Variants in SGCZ observed in about 807,000 individuals in gnomAD.
SGCZ encodes zeta-sarcoglycan.
A neutral mutation model predicts 41.3 loss-of-function variants in SGCZ; 40 were observed. That is an observed-to-expected ratio of 0.97 (90% confidence interval 0.75 to 1.26). The LOEUF (loss-of-function observed/expected upper bound fraction) is 1.26, where lower values mean the gene tolerates loss of function less well. Among genes scored for constraint, SGCZ ranks in the 50% most tolerant of loss-of-function variants. The probability of loss-of-function intolerance (pLI) is 0.00; values close to 1 mark genes in which losing one functional copy is unlikely to be tolerated. For missense variants in SGCZ, 552 were observed against 369.8 expected, an observed-to-expected ratio of 1.49 and a Z score of -4.04; for synonymous variants, 206 against 137.5, an observed-to-expected ratio of 1.50 and a Z score of -3.49.
intron 4 of SGCZ, among the ~76,000 whole-genome samples, chr8:14,235,549 T>C (rs772420874): frequency 7.2e-5 from 11 of 152,212 alleles, no homozygotes; most frequent in Non-Finnish European, 1.3e-4. Context: ...AAATTCTTTA[T>C]TTCCTGCAGG....
intron 4 of SGCZ, among the ~76,000 whole-genome samples, chr8:14,229,522 T>G (rs531661555): frequency 1.4e-4 from 22 of 152,098 alleles, no homozygotes; most frequent in Non-Finnish European, 3.1e-4. Flanking sequence ...ATTTAATCAT[T>G]TGAAATGTAT....
At chr8:15,083,592 A>G (rs1805836725) in intron 1 of SGCZ, among the ~76,000 whole-genome samples, 1 of 152,148 alleles carries the variant, frequency 6.6e-6, no homozygotes, top group Non-Finnish European at 1.5e-5. Context: ...ATTGTCACCT[A>G]GGCTGGAGTC....
intron 2 of SGCZ, among the ~76,000 whole-genome samples, chr8:14,507,120 C>G (rs1802328771): frequency 7.7e-6 from 1 of 130,152 alleles, no homozygotes; most frequent in African/African-American, 3.6e-5. Context: ...ACTAATCTTC[C>G]CTATCTTCCA....
intron 2 of SGCZ, among the ~76,000 whole-genome samples, chr8:14,482,014 G>A (rs188937571): frequency 1.3e-3 from 192 of 152,284 alleles, no homozygotes; most frequent in African/African-American, 4.5e-3. Flanking sequence ...AGAGCTTGGA[G>A]AAATCCCTGA....
chr8:15,173,619 T>C (rs957992874), intron 1 of SGCZ, among the ~76,000 whole-genome samples: 4 of 152,214 alleles, frequency 2.6e-5, no homozygotes, highest in African/African-American at 9.6e-5. Context: ...TTATGTGGTA[T>C]TCTTGAAGAT....
At chr8:15,052,602 A>G (rs759640524) in intron 1 of SGCZ, among the ~76,000 whole-genome samples, 2 of 152,006 alleles carry the variant, frequency 1.3e-5, no homozygotes, top group African/African-American at 2.4e-5. Flanking sequence ...TTTCCTCGTC[A>G]TGTGGAGATG....
chr8:14,653,718 A>T (rs988031460), intron 1 of SGCZ, among the ~76,000 whole-genome samples: 1 of 151,254 alleles, frequency 6.6e-6, no homozygotes, highest in Admixed American at 6.6e-5. Context: ...CTTCACAGAC[A>T]TAATCCAAAC....
At chr8:14,399,900 C>A (rs1168200691) in intron 2 of SGCZ, among the ~76,000 whole-genome samples, 1 of 152,028 alleles carries the variant, frequency 6.6e-6, no homozygotes, top group South Asian at 2.1e-4. Flanking sequence ...GTTTAGTATA[C>A]TTCCAAAATT....
At chr8:14,168,322 G>GAAATAT (rs200792184) in intron 4 of SGCZ, among the ~76,000 whole-genome samples, 38 of 152,076 alleles carry the variant, frequency 2.5e-4, no homozygotes, top group Non-Finnish European at 3.8e-4. Flanking sequence ...CTGCTTTCAT[G>GAAATAT]AAATATAAAT....
chr8:14,873,025 G>C (rs1191292575), intron 1 of SGCZ, among the ~76,000 whole-genome samples: 2 of 152,158 alleles, frequency 1.3e-5, no homozygotes, highest in East Asian at 1.9e-4. Flanking sequence ...GTTCCAGAGA[G>C]TCAAGCAGAT....
intron 3 of SGCZ, among the ~76,000 whole-genome samples, chr8:14,314,607 T>A (rs1328408433): frequency 6.6e-6 from 1 of 152,158 alleles, no homozygotes; most frequent in Non-Finnish European, 1.5e-5. Flanking sequence ...TTGCAAAGTT[T>A]AATGTTAAAA....
intron 4 of SGCZ, among the ~76,000 whole-genome samples, chr8:14,229,386 A>G (rs1806483433): frequency 6.6e-6 from 1 of 152,072 alleles, no homozygotes; most frequent in Admixed American, 6.6e-5. Flanking sequence ...TCTAATTTCT[A>G]AAGCGTGACA....
At chr8:15,206,459 T>TC (rs35727509) in intron 1 of SGCZ, among the ~76,000 whole-genome samples, 1 of 150,582 alleles carries the variant, frequency 6.6e-6, no homozygotes, top group African/African-American at 2.4e-5. Context: ...AGTCTTTTTT[T>TC]TTTTTTCTTG....
At chr8:15,159,058 A>G (rs1354279275) in intron 1 of SGCZ, among the ~76,000 whole-genome samples, 2 of 152,178 alleles carry the variant, frequency 1.3e-5, no homozygotes, top group African/African-American at 4.8e-5. Context: ...GTCACCTGAA[A>G]GACCAGAACA....
chr8:14,857,230 C>G (rs1020577642), intron 1 of SGCZ, among the ~76,000 whole-genome samples: 14 of 152,116 alleles, frequency 9.2e-5, no homozygotes, highest in African/African-American at 3.4e-4. Flanking sequence ...AGAAACCCAG[C>G]GGAAGCTGGC....
chr8:14,800,858 G>A (rs571532243), intron 1 of SGCZ, among the ~76,000 whole-genome samples: 5 of 152,070 alleles, frequency 3.3e-5, no homozygotes, highest in Admixed American at 6.6e-5. Context: ...AAATATAGAG[G>A]TGGAATGCTA....
intron 5 of SGCZ, among the ~76,000 whole-genome samples, chr8:14,112,290 G>T (rs917175361): frequency 6.9e-5 from 7 of 100,822 alleles, no homozygotes; most frequent in South Asian, 5.3e-4. Context: ...TTGTGGGGGG[G>T]GGGTGCAAAG....
intron 1 of SGCZ, among the ~76,000 whole-genome samples, chr8:14,826,854 GT>G (rs1802342711): frequency 6.6e-6 from 1 of 152,136 alleles, no homozygotes; most frequent in South Asian, 2.1e-4. Flanking sequence ...AGATGAGTAG[GT>G]TGTGAAAATT....
rs751226525 is a variant in SGCZ, at chr8:14,145,235, CT to C, written c.547+19344del. On this transcript the variant is annotated intron_variant, in intron 5 of 7. Coordinates refer to ENST00000382080, the MANE Select transcript of SGCZ (RefSeq NM_139167.4). ...CCCCCAGCTTCAGGACAGAGAGAAT[CT>C]TTTTTTTTTAGAAAGTAAGGGAAGA... 3.7e-4 allele frequency among the ~76,000 whole-genome samples: 55 copies of C among 149,126 alleles called. 1 individual carries two copies. The East Asian group carries it at 7.5e-3, about 20-fold the overall frequency.
Sources: allele counts gnomAD v4.1 joint callset (sites outside exome capture counted in the v4.1 genomes callset), GRCh38; gene constraint gnomAD v4.1.1; transcripts MANE v1.5; gene names NCBI Gene and HGNC (gene_info 2026-07-23, HGNC 2026-07-21).